Variants in RBPMS observed in about 807,000 individuals in gnomAD.
The protein encoded by RBPMS is RNA-binding protein with multiple splicing.
In RBPMS, 7 loss-of-function variants were observed where a neutral mutation model predicts 26.8. The observed-to-expected ratio is 0.26, with a 90% confidence interval of 0.15 to 0.49. The LOEUF is 0.49. Ranked by LOEUF, RBPMS falls within the 20% of genes least tolerant of loss-of-function variation. The probability of loss-of-function intolerance (pLI) is 0.98; values close to 1 mark genes in which losing one functional copy is unlikely to be tolerated. For synonymous variants in RBPMS, 96 were observed against 93.3 expected, an observed-to-expected ratio of 1.03 and a Z score of -0.17; for missense variants, 186 against 250.0, an observed-to-expected ratio of 0.74 and a Z score of 1.73.
At chr8:30,532,383 C>A (rs532607839) in intron 5 of RBPMS, among the ~76,000 whole-genome samples, 1 of 152,138 alleles carries the variant, frequency 6.6e-6, no homozygotes, top group African/African-American at 2.4e-5. Context: ...TATTCCTTAC[C>A]TTTTTTCCTA....
rs1460166517 is a variant in RBPMS at position 30,511,475 on chromosome 8, AAAAAAAAAAAAATATATATATAT to A, written c.397+7041_397+7063del. Among the ~76,000 whole-genome samples the A allele has an allele frequency of 1.8e-3, 11 of 6,054 alleles. 1 individual carries two copies. In the East Asian group the frequency reaches 0.049, roughly 27 times the overall value. The allele number at this position is 6,054 out of a possible 152,430, so 4.0% of individuals were successfully genotyped here. A position where few individuals can be genotyped will look rare whatever the true frequency, so the allele number is the denominator to read the frequency against. On this transcript the variant is annotated intron_variant, in intron 5 of 8. Transcript: ENST00000397323. ...CATCTCTTTAAAACAAAAAAAGAAA[AAAAAAAAAAAAATATATATATAT>A]ATATATATATATATATATATATATA...
chr8:30,548,101 C>G (rs933057141), intron 6 of RBPMS, among the ~76,000 whole-genome samples: 9 of 152,154 alleles, frequency 5.9e-5, no homozygotes, highest in African/African-American at 1.9e-4. Flanking sequence ...CATCGGATTG[C>G]TAAGAAGATC....
chr8:30,511,485 AAATATATATAT>A (rs1185484397), intron 5 of RBPMS, among the ~76,000 whole-genome samples: 737 of 6,118 alleles, frequency 0.12, 12 homozygotes, highest in Non-Finnish European at 0.17. Flanking sequence ...AAAAAAAAAA[AAATATATATAT>A]ATATATATAT....
chr8:30,475,198 TCAAA>T (rs1228072202), intron 2 of RBPMS, among the ~76,000 whole-genome samples: 1 of 152,216 alleles, frequency 6.6e-6, no homozygotes, highest in Non-Finnish European at 1.5e-5. Context: ...GGCAAAACTT[TCAAA>T]CAAAGTAAAA....
intron 1 of RBPMS, among the ~76,000 whole-genome samples, chr8:30,454,199 A>G (rs983738465): frequency 2.0e-5 from 3 of 152,228 alleles, no homozygotes; most frequent in East Asian, 1.9e-4. Flanking sequence ...GAAAGTGTGT[A>G]TAGCTAAATA....
chr8:30,549,789 T>TCTCTCTCTCTCTCTCTCTCCC, intron 6 of RBPMS, among the ~76,000 whole-genome samples: 1 of 110,516 alleles, frequency 9.0e-6, no homozygotes. Flanking sequence ...TCTCTCTCTC[T>TCTCTCTCTCTCTCTCTCTCCC]CTCTCTCCCC....
chr8:30,550,318 A>G (rs1454665051), intron 6 of RBPMS, among the ~76,000 whole-genome samples: 1 of 152,206 alleles, frequency 6.6e-6, no homozygotes, highest in Non-Finnish European at 1.5e-5. Flanking sequence ...TGCGACCTCA[A>G]TTGAGCAAGT....
rs147429445 is a variant in RBPMS, at chr8:30,430,219, AATGG to A, written c.67-44537_67-44534del. ...TGGGTTAGAGTGATACCCTGTCTTA[AATGG>A]ATGGATGGATGGATGGATGGATAGA... On this transcript the variant is annotated intron_variant, in intron 1 of 8. Transcript: ENST00000397323. Among the ~76,000 whole-genome samples, 276 of 151,538 alleles carry A rather than the reference AATGG, an allele frequency of 1.8e-3. 7 individuals carry two copies. Among genetic ancestry groups the A allele is most frequent in the Admixed American group, 0.014 (212 of 15,162 alleles).
intron 5 of RBPMS, among the ~76,000 whole-genome samples, chr8:30,539,132 TATATTATTCCTATTAAAA>T (rs1021729174): frequency 2.6e-5 from 4 of 152,196 alleles, no homozygotes; most frequent in African/African-American, 9.6e-5. Context: ...TTTCAAAATT[TATATTATTCCTATTAAAA>T]ATGGAATTTT....
intron 5 of RBPMS, among the ~76,000 whole-genome samples, chr8:30,539,248 G>T (rs1281763254): frequency 6.6e-6 from 1 of 152,168 alleles, no homozygotes; most frequent in Non-Finnish European, 1.5e-5. Flanking sequence ...GGAAGACTCT[G>T]TCCCTGAGTT....
chr8:30,544,482 C>G lies in RBPMS; in HGVS notation c.398-12C>G. 6.2e-7 allele frequency: 1 copy of G among 1,612,694 alleles called. No individual in the cohort carries two copies. The highest frequency in any genetic ancestry group is 1.1e-5 in the South Asian group (1 of 91,078). ...GGTAACCACTAACTCTCGCCTTATT[C>G]TTTTCTTGCAGATGAGCTCACAGTG... On this transcript the variant is annotated splice_polypyrimidine_tract_variant and intron_variant, in intron 5 of 8. Coordinates refer to ENST00000397323, the MANE Select transcript of RBPMS (RefSeq NM_001008710.3).
intron 1 of RBPMS, among the ~76,000 whole-genome samples, chr8:30,433,169 G>A (rs1232489711): frequency 3.3e-5 from 5 of 152,122 alleles, no homozygotes; most frequent in Admixed American, 1.3e-4. Flanking sequence ...TGACCCAAAC[G>A]TGAACTTTCA....
chr8:30,432,017 A>T (rs1168289219), intron 1 of RBPMS, among the ~76,000 whole-genome samples: 1 of 151,864 alleles, frequency 6.6e-6, no homozygotes, highest in Non-Finnish European at 1.5e-5. Context: ...GGTCCCAGCT[A>T]CTTGGGAAGC....
rs547696509 is a variant in RBPMS at position 30,502,609 on chromosome 8, G to A, written c.247-1677G>A. 2.0e-5 allele frequency among the ~76,000 whole-genome samples: 3 copies of A among 152,280 alleles called. No homozygotes were observed. In the South Asian group the frequency reaches 6.2e-4, roughly 32 times the overall value. On this transcript the variant is annotated intron_variant, in intron 4 of 8. Transcript: ENST00000397323. ...GTCTGATGGAGTGTGGTGCAAATGA[G>A]GAAGTCCTTTTACAGCATACCTGTA... is the stretch of plus-strand genomic sequence containing the variant.
At chr8:30,551,867 T>A (rs187683867) in intron 6 of RBPMS, among the ~76,000 whole-genome samples, 1 of 152,174 alleles carries the variant, frequency 6.6e-6, no homozygotes, top group East Asian at 1.9e-4. Context: ...AGTTTCCTCA[T>A]CTATAAATGG....
chr8:30,419,288 A>G lies in RBPMS; in HGVS notation c.66+34130A>G, dbSNP rs529561215. Among the ~76,000 whole-genome samples, 8 of 152,320 alleles carry G rather than the reference A, an allele frequency of 5.3e-5. 1 individual carries two copies. The East Asian group carries it at 1.5e-3, about 29-fold the overall frequency. ...TGGCGAAACCCCATCTCTATTAAAA[A>G]TACAAAAATTATCCGGGCATGGTGG... On this transcript the variant is annotated intron_variant, in intron 1 of 8. Transcript: ENST00000397323.
chr8:30,465,376 C>T (rs921619196), intron 1 of RBPMS, among the ~76,000 whole-genome samples: 2 of 152,208 alleles, frequency 1.3e-5, no homozygotes, highest in Admixed American at 1.3e-4. Context: ...CATGTGCAGA[C>T]ACTTCTCTTG....
chr8:30,548,885 C>G (rs760253727), intron 6 of RBPMS, among the ~76,000 whole-genome samples: 2 of 152,224 alleles, frequency 1.3e-5, no homozygotes, highest in Non-Finnish European at 2.9e-5. Flanking sequence ...TAGGAAATAA[C>G]TGAGAAAAAA....
intron 5 of RBPMS, among the ~76,000 whole-genome samples, chr8:30,526,112 G>A (rs980971679): frequency 3.3e-5 from 5 of 152,160 alleles, no homozygotes; most frequent in African/African-American, 4.8e-5. Flanking sequence ...TCTTTAGCAC[G>A]GTGTGCAGGC....
Sources: allele counts gnomAD v4.1 joint callset (sites outside exome capture counted in the v4.1 genomes callset), GRCh38; gene constraint gnomAD v4.1.1; transcripts MANE v1.5; gene names NCBI Gene and HGNC (gene_info 2026-07-23, HGNC 2026-07-21).